Variants in TBXAS1 observed in about 807,000 individuals in gnomAD.
The protein encoded by TBXAS1 is thromboxane A synthase 1.
Under a neutral mutation model 60.7 loss-of-function variants are expected in TBXAS1, and 48 were observed. The ratio of observed to expected loss-of-function variants is 0.79; its 90% CI spans 0.63 to 1.01. The LOEUF (loss-of-function observed/expected upper bound fraction) is 1.01. TBXAS1 is among the 50% of genes least tolerant of loss of function. TBXAS1 has a pLI of 0.00. For missense variants in TBXAS1, 685 were observed against 686.3 expected (o/e 1.00, Z 0.02); for synonymous variants, 287 against 269.7 (o/e 1.06, Z -0.63).
intron 3 of TBXAS1, among the ~76,000 whole-genome samples, chr7:139,887,890 A>G (rs527277823): frequency 6.6e-6 from 1 of 152,320 alleles, no homozygotes; most frequent in East Asian, 1.9e-4. Context: ...TTTGGAGGAC[A>G]TCTTATAGCA....
At chr7:139,997,428 T>C (rs778976797) in intron 9 of TBXAS1, among the ~76,000 whole-genome samples, 1 of 152,202 alleles carries the variant, frequency 6.6e-6, no homozygotes, top group Admixed American at 6.5e-5. Flanking sequence ...CAGCAGATAA[T>C]TCAAAGACTC....
chr7:140,019,314 C>G (rs565283350), intron 12 of TBXAS1, among the ~76,000 whole-genome samples: 1 of 152,342 alleles, frequency 6.6e-6, no homozygotes, highest in East Asian at 1.9e-4. Context: ...GACGGAGGAG[C>G]AGCCCCACTG....
At chr7:139,989,919 T>C (rs986485007) in intron 9 of TBXAS1, among the ~76,000 whole-genome samples, 4 of 152,208 alleles carry the variant, frequency 2.6e-5, no homozygotes, top group Admixed American at 2.0e-4. Flanking sequence ...TTGCTCATCA[T>C]TGTCATGGGT....
intron 1 of TBXAS1, among the ~76,000 whole-genome samples, chr7:139,856,643 C>T (rs773420026): frequency 7.2e-5 from 11 of 152,084 alleles, no homozygotes; most frequent in Non-Finnish European, 1.3e-4. Context: ...CATGTGCATG[C>T]GCAATTGAGC....
In TBXAS1 at chr7:140,004,639, C is replaced by G. The variant is rs946558090; in HGVS notation, c.1135-2452C>G. Among the ~76,000 whole-genome samples, 12 of 152,328 alleles carry G rather than the reference C, an allele frequency of 7.9e-5. No homozygotes were observed. Among genetic ancestry groups the G allele is most frequent in the Admixed American group, 7.8e-4 (12 of 15,298 alleles). On this transcript the variant is annotated intron_variant, in intron 9 of 12. Transcript: ENST00000448866. This position sits in a 1 kb window ranked among gnomAD's most constrained non-coding sequence, Gnocchi z 5.1. Reference sequence around the variant, plus strand: ...ATGAGCGGGGGGAGTCCAGACCCTTCCAGGCATCCAAGGGCCCTGTCAGCC... The same window carrying G: ...ATGAGCGGGGGGAGTCCAGACCCTTGCAGGCATCCAAGGGCCCTGTCAGCC...
At chr7:139,865,017 A>G (rs1385527027) in intron 1 of TBXAS1, among the ~76,000 whole-genome samples, 1 of 152,190 alleles carries the variant, frequency 6.6e-6, no homozygotes, top group Non-Finnish European at 1.5e-5. Context: ...TTGTAAATGA[A>G]CAGTCTCGTT....
chr7:139,906,127 A>G, intron 3 of TBXAS1: 1 of 386,774 alleles, frequency 2.6e-6, no homozygotes, highest in Non-Finnish European at 5.0e-6. Flanking sequence ...TTGATCTTGG[A>G]TCACTGCAAC....
chr7:139,984,776 G>GA (rs1207069942), intron 9 of TBXAS1, among the ~76,000 whole-genome samples: 96 of 36,928 alleles, frequency 2.6e-3, no homozygotes, highest in African/African-American at 4.5e-3. Flanking sequence ...AGGAAAGAAA[G>GA]AAAGAAAAGA....
intron 3 of TBXAS1, among the ~76,000 whole-genome samples, chr7:139,908,161 CT>C (rs911735013): frequency 4.7e-5 from 7 of 148,224 alleles, no homozygotes; most frequent in African/African-American, 7.4e-5. Context: ...GAGTTCTGCA[CT>C]TTTTTTTTTA....
At chr7:139,838,435 C>T (rs904852570) in intron 1 of TBXAS1, among the ~76,000 whole-genome samples, 4 of 152,178 alleles carry the variant, frequency 2.6e-5, no homozygotes, top group African/African-American at 9.7e-5. Context: ...TCTTGGCCTT[C>T]ACAGTTCCAT....
chr7:139,805,218 A>T (rs1397239996), intron 4 of TBXAS1, among the ~76,000 whole-genome samples: 1 of 152,258 alleles, frequency 6.6e-6, no homozygotes, highest in Non-Finnish European at 1.5e-5. Flanking sequence ...TAATCCTCAC[A>T]ATCACTCTAT....
At chr7:139,839,020 C>T (rs941785812) in intron 1 of TBXAS1, among the ~76,000 whole-genome samples, 5 of 152,144 alleles carry the variant, frequency 3.3e-5, no homozygotes, top group Non-Finnish European at 5.9e-5. Flanking sequence ...GAACGTTGCT[C>T]GAGGCAACCG....
intron 1 of TBXAS1, among the ~76,000 whole-genome samples, chr7:139,858,643 C>T (rs1255087731): frequency 6.6e-6 from 1 of 152,180 alleles, no homozygotes; most frequent in Non-Finnish European, 1.5e-5. Flanking sequence ...ACTCCCCCAG[C>T]ACCATGCTTG....
intron 9 of TBXAS1, among the ~76,000 whole-genome samples, chr7:139,990,799 C>G (rs1812834663): frequency 6.6e-6 from 1 of 152,032 alleles, no homozygotes; most frequent in South Asian, 2.1e-4. Flanking sequence ...TGCAAAAACC[C>G]CTCCAACCAG....
chr7:139,950,677 G>C (rs754816999), intron 5 of TBXAS1, among the ~76,000 whole-genome samples: 15 of 122,056 alleles, frequency 1.2e-4, no homozygotes, highest in Non-Finnish European at 2.0e-4. Flanking sequence ...CTCCATCTAC[G>C]GGACCCCCTC....
chr7:139,967,062 G>A (rs1415682499), intron 9 of TBXAS1, among the ~76,000 whole-genome samples: 1 of 152,224 alleles, frequency 6.6e-6, no homozygotes, highest in Non-Finnish European at 1.5e-5. Context: ...CAGGGAGACA[G>A]GCTCCAGCTC....
chr7:139,803,732 G>A (rs1797775520), intron 4 of TBXAS1, among the ~76,000 whole-genome samples: 1 of 152,210 alleles, frequency 6.6e-6, no homozygotes, highest in Non-Finnish European at 1.5e-5. Context: ...GCTAAAAGGG[G>A]CCAAGGTACC....
intron 4 of TBXAS1, among the ~76,000 whole-genome samples, chr7:139,920,621 C>T (rs531790519): frequency 1.5e-4 from 23 of 152,314 alleles, no homozygotes; most frequent in Non-Finnish European, 2.5e-4. Flanking sequence ...GCAATCCACC[C>T]GCAACGTGTG....
intron 9 of TBXAS1, among the ~76,000 whole-genome samples, chr7:139,978,935 A>T (rs916108238): frequency 2.0e-5 from 3 of 152,220 alleles, no homozygotes; most frequent in African/African-American, 7.2e-5. Context: ...AGCATGGGCG[A>T]CAAAACAATA....
Sources: allele counts gnomAD v4.1 joint callset (sites outside exome capture counted in the v4.1 genomes callset), GRCh38; gene constraint gnomAD v4.1.1; non-coding constraint Gnocchi (gnomAD v3.1); transcripts MANE v1.5; gene names NCBI Gene and HGNC (gene_info 2026-07-23, HGNC 2026-07-21).